Variants in TENM2 observed in about 807,000 individuals in gnomAD.
TENM2 encodes teneurin transmembrane protein 2, also known as teneurin-2.
TENM2 carries 52 observed loss-of-function variants against 245.2 expected under a neutral mutation model. The observed-to-expected ratio is 0.21, with a 90% CI of 0.17 to 0.27. TENM2 has a LOEUF of 0.27. Among genes scored for constraint, TENM2 ranks in the 10% least tolerant of loss-of-function variants. The pLI, the probability that TENM2 is intolerant of heterozygous loss-of-function variation, is 1.00. For synonymous variants in TENM2, 1,363 were observed against 1,438.9 expected (o/e 0.95, Z 1.19); for missense variants, 3,046 against 3,666.8 (o/e 0.83, Z 4.37).
the TENM2 span, among the ~76,000 whole-genome samples, chr5:167,088,951 T>A: frequency 6.6e-6 from 1 of 152,330 alleles, no homozygotes; most frequent in African/African-American, 2.4e-5. Flanking sequence ...ACTCCAACGT[T>A]TCTGCATTCA....
chr5:167,183,056 AATATT>A, the TENM2 span, among the ~76,000 whole-genome samples: 1 of 152,132 alleles, frequency 6.6e-6, no homozygotes, highest in East Asian at 1.9e-4. Flanking sequence ...AAGGGGAACT[AATATT>A]ATTTATACAA....
intron 5 of TENM2, among the ~76,000 whole-genome samples, chr5:168,025,838 A>C (rs1182749853): frequency 3.3e-5 from 5 of 152,170 alleles, no homozygotes; most frequent in Non-Finnish European, 7.3e-5. Context: ...CTTCCACCTG[A>C]GCTGCAATGG....
At position 168,098,131 on chromosome 5, in the gene TENM2, T is replaced by C; in HGVS notation, c.1813+4T>C. ...CTAGGAGCAGACTGTGCTAAAGGTA[T>C]GTGCCGCCACTTCCCTGCTATGGTT... On this transcript the variant is annotated splice_donor_region_variant and intron_variant, in intron 9 of 28. Coordinates refer to ENST00000518659, the Ensembl canonical transcript of TENM2. 1 of 1,607,506 alleles carries C rather than the reference T, an allele frequency of 6.2e-7. No homozygotes were observed. Among genetic ancestry groups the C allele is most frequent in the East Asian group, 2.2e-5 (1 of 44,782 alleles).
At chr5:167,223,225 A>T in the TENM2 span, among the ~76,000 whole-genome samples, 8 of 152,108 alleles carry the variant, frequency 5.3e-5, no homozygotes, top group African/African-American at 1.9e-4. Context: ...GATACGATAC[A>T]TTGTTGTTAA....
At chr5:168,188,709 T>C (rs1023573532) in intron 13 of TENM2, among the ~76,000 whole-genome samples, 1 of 152,204 alleles carries the variant, frequency 6.6e-6, no homozygotes, top group Non-Finnish European at 1.5e-5. Flanking sequence ...TAACAATGGT[T>C]TTTAAATCGT....
At chr5:167,654,134 A>G (rs1403804086) in intron 2 of TENM2, among the ~76,000 whole-genome samples, 1 of 151,312 alleles carries the variant, frequency 6.6e-6, no homozygotes, top group Non-Finnish European at 1.5e-5. Context: ...TTTTTTTACT[A>G]CCTTTATGGG....
chr5:167,764,151 G>T (rs1249211304), intron 2 of TENM2, among the ~76,000 whole-genome samples: 7 of 152,052 alleles, frequency 4.6e-5, no homozygotes, highest in African/African-American at 1.2e-4. Flanking sequence ...AAAATATATT[G>T]TTAGGGATAA....
chr5:167,192,497 C>T, the TENM2 span, among the ~76,000 whole-genome samples: 1 of 151,916 alleles, frequency 6.6e-6, no homozygotes, highest in Non-Finnish European at 1.5e-5. Flanking sequence ...TAGGTAAGGT[C>T]TATACAGAAC....
At chr5:167,794,776 A>T (rs1583027671) in intron 2 of TENM2, among the ~76,000 whole-genome samples, 1 of 152,216 alleles carries the variant, frequency 6.6e-6, no homozygotes, top group South Asian at 2.1e-4. Flanking sequence ...AGCAATGCTA[A>T]TGGGAACTTA....
the TENM2 span, among the ~76,000 whole-genome samples, chr5:167,230,773 G>C: frequency 6.6e-6 from 1 of 152,146 alleles, no homozygotes; most frequent in Non-Finnish European, 1.5e-5. Context: ...AGAATATAAT[G>C]TATATTAGAA....
chr5:167,572,589 A>G (rs1461985820), intron 2 of TENM2, among the ~76,000 whole-genome samples: 2 of 152,138 alleles, frequency 1.3e-5, no homozygotes, highest in Non-Finnish European at 2.9e-5. Flanking sequence ...AACTTATACC[A>G]AATAGTTGAC....
At chr5:168,034,500 G>A (rs1329532742) in intron 5 of TENM2, among the ~76,000 whole-genome samples, 5 of 152,026 alleles carry the variant, frequency 3.3e-5, no homozygotes, top group Non-Finnish European at 5.9e-5. Context: ...TGAAGGCTGT[G>A]ATGGAAGGAT....
In TENM2 at chr5:167,770,503, T is replaced by C. The variant is rs140748265; in HGVS notation, c.503-105483T>C. Among the ~76,000 whole-genome samples, 60 of 152,318 alleles carry C rather than the reference T, an allele frequency of 3.9e-4. No individual in the cohort carries two copies. The East Asian group carries it at 0.01, about 26-fold the overall frequency. On this transcript the variant is annotated intron_variant, in intron 2 of 28. Coordinates refer to ENST00000518659, the Ensembl canonical transcript of TENM2. ...AGTGCAATAATAGGTACTACTGATA[T>C]TCGTTTTCCAATGTTTAAGCAAAAG...
At chr5:167,596,021 C>T (rs1776182156) in intron 2 of TENM2, among the ~76,000 whole-genome samples, 1 of 152,076 alleles carries the variant, frequency 6.6e-6, no homozygotes, top group South Asian at 2.1e-4. Flanking sequence ...AAACCTAACC[C>T]CCCTTATTTG....
rs1272762257 is a variant in TENM2, at chr5:168,172,007, CCA to C, written c.2569+9253_2569+9254del. The stretch of plus-strand genomic sequence containing the variant: ...CGTGCCATCACTAGCTCTCTTGCTC[CCA>C]CAGTCTTCCCCCAAGTCCAGACCAG... On this transcript the variant is annotated intron_variant, in intron 13 of 28. Coordinates refer to ENST00000518659, the Ensembl canonical transcript of TENM2. 3.3e-5 allele frequency among the ~76,000 whole-genome samples: 5 copies of C among 152,196 alleles called. No homozygotes were observed. In the East Asian group the frequency reaches 9.6e-4, roughly 29 times the overall value.
At chr5:167,916,681 G>A (rs1415095037) in intron 3 of TENM2, among the ~76,000 whole-genome samples, 4 of 152,096 alleles carry the variant, frequency 2.6e-5, no homozygotes, top group African/African-American at 4.8e-5. Flanking sequence ...AGACGCCTGT[G>A]AGCAGAGCTC....
chr5:167,158,250 G>A, the TENM2 span, among the ~76,000 whole-genome samples: 1 of 152,156 alleles, frequency 6.6e-6, no homozygotes, highest in Non-Finnish European at 1.5e-5. Context: ...TTATTATGAA[G>A]CAGGCACCTT....
intron 23 of TENM2, among the ~76,000 whole-genome samples, chr5:168,224,517 T>C (rs1763975985): frequency 6.6e-6 from 1 of 152,172 alleles, no homozygotes; most frequent in Admixed American, 6.5e-5. Context: ...CAAAAACATT[T>C]CCTGAGTGCT....
At chr5:167,241,860 C>T in the TENM2 span, among the ~76,000 whole-genome samples, 5 of 152,088 alleles carry the variant, frequency 3.3e-5, no homozygotes, top group East Asian at 3.9e-4. Flanking sequence ...AATAGAGTAA[C>T]GGTTGATGGC....
Sources: gnomAD v4.1 joint callset for allele counts (sites outside exome capture counted in the v4.1 genomes callset) on GRCh38, gnomAD v4.1.1 for gene constraint, MANE v1.5 for transcripts, NCBI Gene and HGNC (gene_info 2026-07-23, HGNC 2026-07-21) for gene names.